Variants in FAM53B observed in about 807,000 individuals in gnomAD.
The protein encoded by FAM53B is family with sequence similarity 53 member B, also known as protein FAM53B.
Under a neutral mutation model 32.7 loss-of-function variants are expected in FAM53B, and 12 were observed. The observed-to-expected ratio is 0.37, with a 90% confidence interval of 0.24 to 0.59. The LOEUF (loss-of-function observed/expected upper bound fraction) is 0.59, where lower values mean the gene tolerates loss of function less well. Ranked by LOEUF, FAM53B falls within the 20% of genes least tolerant of loss-of-function variation. The pLI is 0.72. For missense variants in FAM53B, 477 were observed against 577.7 expected (o/e 0.83, Z 1.79); for synonymous variants, 234 against 228.7 (o/e 1.02, Z -0.21).
chr10:124,735,742 C>T (rs1469567756), intron 1 of FAM53B, among the ~76,000 whole-genome samples: 1 of 151,644 alleles, frequency 6.6e-6, no homozygotes, highest in African/African-American at 2.4e-5. Context: ...TAAGTGTCCT[C>T]AGGTGTGGTC....
rs113738362 is a variant in FAM53B at position 124,733,301 on chromosome 10, G to C, written c.-175+10712C>G. ...CCAGGTCACATGCCACACAGTCAAC[G>C]GGGCCTGGAATCTGGGCTGGCATCT... On this transcript the variant is annotated intron_variant, in intron 1 of 4. Transcript: ENST00000337318. This position sits in a 1 kb window ranked among gnomAD's most constrained non-coding sequence, Gnocchi z 4.3. Among the ~76,000 whole-genome samples the C allele has an allele frequency of 6.6e-6, 1 of 152,104 alleles. No individual in the cohort carries two copies. Among genetic ancestry groups the C allele is most frequent in the East Asian group, 1.9e-4 (1 of 5,190 alleles).
At chr10:124,645,242 T>C (rs184605059) in intron 4 of FAM53B, among the ~76,000 whole-genome samples, 27 of 152,380 alleles carry the variant, frequency 1.8e-4, no homozygotes, top group African/African-American at 6.5e-4. Context: ...ACCGCCTATC[T>C]GCTCTCTCAG....
intron 3 of FAM53B, among the ~76,000 whole-genome samples, chr10:124,688,888 GA>G: frequency 6.6e-6 from 1 of 152,192 alleles, no homozygotes; most frequent in East Asian, 1.9e-4. Context: ...TCAAAAGATA[GA>G]GGAGCTTTAT....
chr10:124,679,917 G>A (rs1250684220), intron 4 of FAM53B, among the ~76,000 whole-genome samples: 5 of 152,226 alleles, frequency 3.3e-5, no homozygotes, highest in Non-Finnish European at 7.3e-5. Context: ...TAACATGCAT[G>A]TTGTTTTTGT....
chr10:124,687,872 G>A (rs570998701), intron 3 of FAM53B, among the ~76,000 whole-genome samples: 10 of 152,266 alleles, frequency 6.6e-5, no homozygotes, highest in African/African-American at 1.4e-4. Context: ...TCCGAATGGC[G>A]GCCCATCCAG....
At position 124,695,020 on chromosome 10, in the gene FAM53B, C is replaced by A. The variant is rs998221305; in HGVS notation, c.133+1138G>T. ...GATGCCACTGGCAGAGCCAGCGGGG[C>A]CCAGCATGTAAGGAGCCTGGCACAG... On this transcript the variant is annotated intron_variant, in intron 3 of 4. Transcript: ENST00000337318. Among the ~76,000 whole-genome samples the A allele has an allele frequency of 4.6e-5, 7 of 152,196 alleles. No individual in the cohort carries two copies. In the South Asian group the frequency reaches 8.3e-4, roughly 18 times the overall value.
intron 4 of FAM53B, among the ~76,000 whole-genome samples, chr10:124,656,201 G>A (rs1589739804): frequency 6.6e-6 from 1 of 152,246 alleles, no homozygotes; most frequent in Non-Finnish European, 1.5e-5. Flanking sequence ...CAAGATCTGG[G>A]AGGCGGACAT....
At chr10:124,723,148 AC>A (rs1163911307) in intron 1 of FAM53B, among the ~76,000 whole-genome samples, 1 of 152,212 alleles carries the variant, frequency 6.6e-6, no homozygotes, top group East Asian at 1.9e-4. Context: ...CATGAAATGA[AC>A]CAGCAAGCTG....
chr10:124,724,853 G>A (rs1487069717), intron 1 of FAM53B, among the ~76,000 whole-genome samples: 1 of 152,202 alleles, frequency 6.6e-6, no homozygotes, highest in African/African-American at 2.4e-5. Flanking sequence ...TTACAAATAT[G>A]TGATCAAGGC....
intron 4 of FAM53B, among the ~76,000 whole-genome samples, chr10:124,675,143 G>A (rs979517155): frequency 6.6e-6 from 1 of 152,226 alleles, no homozygotes; most frequent in Non-Finnish European, 1.5e-5. Flanking sequence ...GATTGCTTGT[G>A]CAACCTGAGG....
At chr10:124,708,790 T>C (rs1339763190) in intron 1 of FAM53B, among the ~76,000 whole-genome samples, 1 of 152,254 alleles carries the variant, frequency 6.6e-6, no homozygotes, top group East Asian at 1.9e-4. Flanking sequence ...AGAGGTGAGC[T>C]GCCTGTTCCC....
chr10:124,710,036 G>A (rs1264527152), intron 1 of FAM53B, among the ~76,000 whole-genome samples: 4 of 152,226 alleles, frequency 2.6e-5, no homozygotes, highest in African/African-American at 9.6e-5. Flanking sequence ...GGGCACCCAG[G>A]CAGAGGGAAG....
chr10:124,654,712 G>A (rs1471574735), intron 4 of FAM53B, among the ~76,000 whole-genome samples: 1 of 152,170 alleles, frequency 6.6e-6, no homozygotes, highest in Non-Finnish European at 1.5e-5. Context: ...CTGCGGACAT[G>A]AGTGGTGTTG....
At chr10:124,718,142 C>A (rs1950048017) in intron 1 of FAM53B, among the ~76,000 whole-genome samples, 1 of 151,900 alleles carries the variant, frequency 6.6e-6, no homozygotes, top group African/African-American at 2.4e-5. Flanking sequence ...CCCAACACAC[C>A]GGTCTAAGAC....
intron 4 of FAM53B, among the ~76,000 whole-genome samples, chr10:124,657,068 A>G (rs1325672333): frequency 4.2e-5 from 6 of 143,474 alleles, no homozygotes; most frequent in East Asian, 2.0e-4. Flanking sequence ...ATGTATATAT[A>G]TATGTATATA....
chr10:124,739,680 G>A (rs1423277415), intron 1 of FAM53B, among the ~76,000 whole-genome samples: 3 of 152,054 alleles, frequency 2.0e-5, no homozygotes, highest in East Asian at 1.9e-4. Context: ...ATAGTCCAGC[G>A]TGGTCTGGCC....
At chr10:124,629,276 G>A (rs916274987) in intron 4 of FAM53B, among the ~76,000 whole-genome samples, 1 of 152,202 alleles carries the variant, frequency 6.6e-6, no homozygotes, top group African/African-American at 2.4e-5. Flanking sequence ...CTGGGCCCCT[G>A]CCTGCGCCAA....
chr10:124,725,061 A>G (rs1027710999), intron 1 of FAM53B, among the ~76,000 whole-genome samples: 1 of 152,086 alleles, frequency 6.6e-6, no homozygotes, highest in African/African-American at 2.4e-5. Flanking sequence ...AAGGGGGAAC[A>G]CTCCTTGACA....
chr10:124,714,776 A>AAAC (rs961398716), intron 1 of FAM53B, among the ~76,000 whole-genome samples: 5 of 151,522 alleles, frequency 3.3e-5, no homozygotes, highest in African/African-American at 1.2e-4. Flanking sequence ...AAAAAAAAAA[A>AAAC]AAAGAAAACC....
Sources: gnomAD v4.1 joint callset for allele counts (sites outside exome capture counted in the v4.1 genomes callset) on GRCh38, gnomAD v4.1.1 for gene constraint, Gnocchi (gnomAD v3.1) non-coding constraint, MANE v1.5 for transcripts, NCBI Gene and HGNC (gene_info 2026-07-23, HGNC 2026-07-21) for gene names.